PEX14: variants seen among roughly 807,000 people sequenced by gnomAD.
The protein encoded by PEX14 is peroxisomal biogenesis factor 14, also known as peroxisomal membrane protein PEX14.
Under a neutral mutation model 49.5 loss-of-function variants are expected in PEX14, and 15 were observed. That is an observed-to-expected ratio of 0.30 (90% CI 0.20 to 0.47). PEX14 has a LOEUF of 0.47. Among genes scored for constraint, PEX14 ranks in the 20% least tolerant of loss-of-function variants. The probability of loss-of-function intolerance (pLI) is 1.00; values close to 1 mark genes in which losing one functional copy is unlikely to be tolerated. For synonymous variants in PEX14, 210 were observed against 212.7 expected (o/e 0.99, Z 0.11); for missense variants, 398 against 494.8 (o/e 0.80, Z 1.86).
At chr1:10,516,690 A>G (rs1641976046) in intron 2 of PEX14, among the ~76,000 whole-genome samples, 1 of 152,200 alleles carries the variant, frequency 6.6e-6, no homozygotes, top group African/African-American at 2.4e-5. Context: ...GAGAATAGCT[A>G]TGGGTTGACT....
At chr1:10,531,493 C>T (rs916457618) in intron 2 of PEX14, among the ~76,000 whole-genome samples, 1 of 152,130 alleles carries the variant, frequency 6.6e-6, no homozygotes, top group Non-Finnish European at 1.5e-5. Flanking sequence ...AGTGTATGAA[C>T]GTAGGAACCT....
Position 10,512,899 on chromosome 1 carries a change from G to A in PEX14, c.84+17578G>A, listed in dbSNP as rs1380626896. ...TTTTTAGTAGAGATGAGGTTTCATCGTGTTAGCTGGGATGGTCTGGATCTC... is the reference window on the plus strand; with the variant it reads ...TTTTTAGTAGAGATGAGGTTTCATCATGTTAGCTGGGATGGTCTGGATCTC... On this transcript the variant is annotated intron_variant, in intron 2 of 8. Transcript: ENST00000356607. The surrounding 1 kb of genome is among the most constrained non-coding windows in gnomAD (Gnocchi z 4.6). Among the ~76,000 whole-genome samples the A allele has an allele frequency of 5.3e-5, 8 of 152,162 alleles. No individual in the cohort carries two copies. Among genetic ancestry groups the A allele is most frequent in the South Asian group, 2.1e-4 (1 of 4,826 alleles).
intron 3 of PEX14, among the ~76,000 whole-genome samples, chr1:10,598,878 TC>T (rs1465508858): frequency 1.7e-4 from 20 of 114,940 alleles, no homozygotes; most frequent in Admixed American, 1.0e-3. Flanking sequence ...TTTTTTCCCC[TC>T]TTTTTTTTTT....
intron 1 of PEX14, among the ~76,000 whole-genome samples, chr1:10,483,103 C>T (rs1641310466): frequency 6.6e-6 from 1 of 152,236 alleles, no homozygotes; most frequent in South Asian, 2.1e-4. Context: ...TATCACATTT[C>T]TCCATCATAA....
intron 2 of PEX14, among the ~76,000 whole-genome samples, chr1:10,505,855 A>AT (rs1165102436): frequency 4.0e-5 from 6 of 151,694 alleles, no homozygotes; most frequent in Non-Finnish European, 7.4e-5. Flanking sequence ...TAATCTTTGT[A>AT]TTTTTAGTAA....
At chr1:10,535,678 AGAATT>A (rs1638778330) in intron 2 of PEX14, among the ~76,000 whole-genome samples, 1 of 152,222 alleles carries the variant, frequency 6.6e-6, no homozygotes, top group Admixed American at 6.5e-5. Flanking sequence ...CAGGCACTGA[AGAATT>A]GAAGAGAATA....
At chr1:10,626,756 G>A (rs1439725793) in intron 7 of PEX14, among the ~76,000 whole-genome samples, 1 of 152,262 alleles carries the variant, frequency 6.6e-6, no homozygotes, top group Non-Finnish European at 1.5e-5. Flanking sequence ...GCCACCAGCA[G>A]CTCGCATTTG....
chr1:10,488,970 A>C (rs1466000386), intron 1 of PEX14, among the ~76,000 whole-genome samples: 1 of 151,932 alleles, frequency 6.6e-6, no homozygotes, highest in Non-Finnish European at 1.5e-5. Flanking sequence ...ACATATGTTG[A>C]AATTTTTAAA....
At chr1:10,500,008 CT>C (rs1167665727) in intron 2 of PEX14, among the ~76,000 whole-genome samples, 2 of 152,004 alleles carry the variant, frequency 1.3e-5, no homozygotes, top group Non-Finnish European at 2.9e-5. Context: ...CATCTTACCC[CT>C]GGGACACCCA....
chr1:10,609,600 A>G (rs74488309), intron 4 of PEX14, among the ~76,000 whole-genome samples: 3,494 of 152,230 alleles, frequency 0.023, 128 homozygotes, highest in African/African-American at 0.079. Flanking sequence ...AACATTTCTT[A>G]TAGAACAGGT....
At chr1:10,516,694 G>C (rs571737127) in intron 2 of PEX14, among the ~76,000 whole-genome samples, 1 of 152,344 alleles carries the variant, frequency 6.6e-6, no homozygotes, top group South Asian at 2.1e-4. Context: ...ATAGCTATGG[G>C]TTGACTTGGC....
chr1:10,477,325 C>T (rs1334126821), intron 1 of PEX14, among the ~76,000 whole-genome samples: 1 of 152,176 alleles, frequency 6.6e-6, no homozygotes, highest in Non-Finnish European at 1.5e-5. Context: ...CCACCTCAGC[C>T]TCCCAAAGTG....
At chr1:10,504,985 A>C (rs2124423825) in intron 2 of PEX14, among the ~76,000 whole-genome samples, 1 of 152,164 alleles carries the variant, frequency 6.6e-6, no homozygotes, top group South Asian at 2.1e-4. Flanking sequence ...GAGTTTCAAC[A>C]TGTTGGCCAG....
At position 10,624,381 on chromosome 1, in the gene PEX14, C is replaced by A. The variant is rs763396552; in HGVS notation, c.529C>A (p.Leu177Met). 1.2e-6 allele frequency: 2 copies of A among 1,613,506 alleles called. No individual in the cohort carries two copies. The highest frequency in any genetic ancestry group is 8.5e-7 in the Non-Finnish European group (1 of 1,179,816). Residue 177 changes from leucine to methionine, a missense_variant, in exon 7 of 9, where the codon CTG (leucine) becomes ATG (methionine). Leu to Met is a conservative substitution (Grantham distance 15, BLOSUM62 2). Coordinates refer to ENST00000356607, the MANE Select transcript of PEX14 (RefSeq NM_004565.3). ...QTTLASVQEL[L>M]IQQQQKIQEL... Reference sequence around the variant, plus strand: ...GACCCTCGCCTCCGTCCAGGAGCTGCTGATTCAGCAGCAGCAGAAGATCCA... The same window carrying A: ...GACCCTCGCCTCCGTCCAGGAGCTGATGATTCAGCAGCAGCAGAAGATCCA...
At chr1:10,533,448 A>G (rs1300097044) in intron 2 of PEX14, among the ~76,000 whole-genome samples, 1 of 152,216 alleles carries the variant, frequency 6.6e-6, no homozygotes. Flanking sequence ...CCGTTAAAAT[A>G]AATACGTCAA....
At chr1:10,609,951 C>T (rs1641231487) in intron 4 of PEX14, among the ~76,000 whole-genome samples, 1 of 151,260 alleles carries the variant, frequency 6.6e-6, no homozygotes, top group African/African-American at 2.4e-5. Context: ...ATGTAGACTT[C>T]TGTGTCTGGT....
At chr1:10,622,282 C>T (rs989802754) in intron 5 of PEX14, among the ~76,000 whole-genome samples, 4 of 152,202 alleles carry the variant, frequency 2.6e-5, no homozygotes, top group Non-Finnish European at 4.4e-5. Flanking sequence ...GAGCCAGTTT[C>T]TTCTGGTCCT....
In PEX14 at chr1:10,623,472, C is replaced by T. The variant is rs952067119; in HGVS notation, c.487+351C>T. Among the ~76,000 whole-genome samples, 3 of 152,158 alleles carry T rather than the reference C, an allele frequency of 2.0e-5. No individual in the cohort carries two copies. The highest frequency in any genetic ancestry group is 2.9e-5 in the Non-Finnish European group (2 of 68,038). On this transcript the variant is annotated intron_variant, in intron 6 of 8. Transcript: ENST00000356607. This position sits in a 1 kb window ranked among gnomAD's most constrained non-coding sequence, Gnocchi z 4.4. ...TTTTCAGTGATTTTCCCCCTTCCCT[C>T]TAAGACTCGACTGTGGGGTCAAGAG...
At chr1:10,607,590 A>T (rs140738876) in intron 4 of PEX14, among the ~76,000 whole-genome samples, 1 of 152,148 alleles carries the variant, frequency 6.6e-6, no homozygotes, top group Admixed American at 6.5e-5. Flanking sequence ...TAGTGTGTAT[A>T]TGCTGGTATC....
Sources: gnomAD v4.1 joint callset for allele counts (sites outside exome capture counted in the v4.1 genomes callset) on GRCh38, gnomAD v4.1.1 for gene constraint, Gnocchi (gnomAD v3.1) non-coding constraint, MANE v1.5 for transcripts, NCBI Gene and HGNC (gene_info 2026-07-23, HGNC 2026-07-21) for gene names.